Variants in AP3D1 observed in about 807,000 individuals in gnomAD.
AP3D1 encodes the protein AP-3 complex subunit delta-1.
AP3D1 carries 51 observed loss-of-function variants against 147.6 expected under a neutral mutation model. That is an observed-to-expected ratio of 0.35 (90% CI 0.28 to 0.44). AP3D1 has a LOEUF of 0.44. Ranked by LOEUF, AP3D1 falls within the 20% of genes least tolerant of loss-of-function variation. AP3D1 has a pLI of 1.00. For missense variants in AP3D1, 1,421 were observed against 1,624.2 expected, an observed-to-expected ratio of 0.87 and a Z score of 2.15; for synonymous variants, 760 against 663.0, an observed-to-expected ratio of 1.15 and a Z score of -2.25.
chr19:2,130,686 T>G, intron 5 of AP3D1, 149 bp from the exon 6 acceptor site: 1 of 1,274,344 alleles, frequency 7.8e-7, no homozygotes, highest in Non-Finnish European at 1.1e-6. Context: ...GACCAGCATC[T>G]TGGATGGCAT....
intron 3 of AP3D1, 109 bp from the exon 4 acceptor site, chr19:2,137,200 C>A (rs1373479036): frequency 1.0e-6 from 1 of 957,908 alleles, no homozygotes; most frequent in Non-Finnish European, 1.6e-6. Flanking sequence ...AGAAGCAACA[C>A]CCTGCAGCCT....
chr19:2,134,145 G>A lies in AP3D1; in HGVS notation c.355-1567C>T, dbSNP rs561364241. 2.6e-5 allele frequency among the ~76,000 whole-genome samples: 4 copies of A among 152,184 alleles called. No individual in the cohort carries two copies. The South Asian group carries it at 6.2e-4, about 24-fold the overall frequency. On this transcript the variant is annotated intron_variant, in intron 4 of 31. Transcript: ENST00000643116. ...AAATAACACAGTGAGCTGAAGTGGT[G>A]GCACACACTTCTAATCCTACCACTT...
At chr19:2,104,667 T>G (rs1440052976) in intron 31 of AP3D1, among the ~76,000 whole-genome samples, 4 of 104,156 alleles carry the variant, frequency 3.8e-5, no homozygotes, top group African/African-American at 2.1e-4. Context: ...CTGACACAAG[T>G]TTTTTTTTTT....
chr19:2,102,163 C>A lies in AP3D1; in HGVS notation c.*10G>T. The A allele has an allele frequency of 6.2e-7, 1 of 1,610,918 alleles. No homozygotes were observed. Among genetic ancestry groups the A allele is most frequent in the Non-Finnish European group, 8.5e-7 (1 of 1,177,774 alleles). ...GCTCCGCGGGGTGGTGCGGGGCTCG[C>A]AGGCAGCTCTCAACACTTGGCCAGC... On this transcript the variant is annotated 3_prime_UTR_variant, in exon 32 of 32. Transcript: ENST00000643116.
intron 4 of AP3D1, among the ~76,000 whole-genome samples, chr19:2,134,688 G>A (rs905608328): frequency 2.6e-5 from 4 of 151,016 alleles, no homozygotes; most frequent in East Asian, 2.0e-4. Context: ...CACAACCTCC[G>A]CCTCCTGGGT....
rs755030617 is a variant in AP3D1 at position 2,123,377 on chromosome 19, G to A, written c.936C>T (p.Ile312=). Residue 312 remains isoleucine, a synonymous_variant, in exon 11 of 32, where the codon ATC becomes ATT. Transcript: ENST00000643116. ...QLCVQKLRIL[I]EDSDQNLKYL... The stretch of plus-strand genomic sequence containing the variant: ...ACTCACAGTTCTGATCGGAGTCCTC[G>A]ATCAATATCCTTAATTTCTGAACAC... 6.2e-6 allele frequency: 10 copies of A among 1,613,850 alleles called. 1 individual carries two copies. In the East Asian group the frequency reaches 8.9e-5, roughly 14 times the overall value.
intron 9 of AP3D1, among the ~76,000 whole-genome samples, chr19:2,126,187 G>A (rs924283862): frequency 3.3e-5 from 5 of 152,166 alleles, no homozygotes; most frequent in Admixed American, 1.3e-4. Flanking sequence ...GAATAGCTGG[G>A]CCCTCCTACT....
chr19:2,115,330 C>T lies in AP3D1; in HGVS notation c.2238G>A (p.Arg746=), dbSNP rs780024043. The T allele has an allele frequency of 2.5e-6, 4 of 1,610,702 alleles. No homozygotes were observed. The highest frequency in any genetic ancestry group is 4.5e-5 in the East Asian group (2 of 44,896). Residue 746 remains arginine (R), a synonymous_variant, in exon 20 of 32, where the codon AGG becomes AGA. Coordinates refer to ENST00000643116, the MANE Select transcript of AP3D1 (RefSeq NM_001261826.3). ...GCTTGCCCTTCTTCTCCTTCTCCTT[C>T]CTCTTTTTCCTCCTCTTGTCCTTCT... ...KLEKDKRRKK[R]KEKEKKGKRR...
At chr19:2,158,995 T>C (rs79158840) in intron 1 of AP3D1, among the ~76,000 whole-genome samples, 13,316 of 138,004 alleles carry the variant, frequency 0.096, 757 homozygotes, top group South Asian at 0.16. Flanking sequence ...ACATTTTCTG[T>C]TATAATTTTT....
At chr19:2,106,293 A>G (rs1482605878) in intron 31 of AP3D1, among the ~76,000 whole-genome samples, 1 of 152,162 alleles carries the variant, frequency 6.6e-6, no homozygotes, top group Admixed American at 6.5e-5. Flanking sequence ...TCACTCCTGC[A>G]ATCCCAGCAC....
At chr19:2,141,925 A>T (rs2019230355) in intron 1 of AP3D1, among the ~76,000 whole-genome samples, 1 of 150,024 alleles carries the variant, frequency 6.7e-6, no homozygotes, top group South Asian at 2.1e-4. Flanking sequence ...AATTTTTAAA[A>T]TTATATATAT....
intron 1 of AP3D1, among the ~76,000 whole-genome samples, chr19:2,146,888 G>A (rs560591178): frequency 2.6e-3 from 397 of 152,328 alleles, no homozygotes; most frequent in Middle Eastern, 6.8e-3. Flanking sequence ...GGCATGACCA[G>A]AGGAGCCCCT....
intron 31 of AP3D1, 40 bp downstream of exon 31, chr19:2,108,647 G>A (rs758778127): frequency 6.5e-7 from 1 of 1,544,072 alleles, no homozygotes. Flanking sequence ...CCCAGGAGAG[G>A]TGGCAGGAGC....
At chr19:2,149,927 T>C (rs2019460721) in intron 1 of AP3D1, among the ~76,000 whole-genome samples, 1 of 152,214 alleles carries the variant, frequency 6.6e-6, no homozygotes, top group African/African-American at 2.4e-5. Flanking sequence ...AATCTGAACA[T>C]TACTCCAGTT....
intron 21 of AP3D1, 116 bp downstream of exon 21, chr19:2,114,632 A>ACCCCC: frequency 2.3e-6 from 1 of 432,940 alleles, no homozygotes; most frequent in Non-Finnish European, 4.5e-6. Context: ...GCCCGCCCGC[A>ACCCCC]CCCCACCCCA....
In AP3D1 at chr19:2,137,558, C is replaced by T. The variant is rs559948726; in HGVS notation, c.273+169G>A. On this transcript the variant is annotated intron_variant, in intron 3 of 31. Transcript: ENST00000643116. ...CTCCAACTCCCAACCTCAGGTGATCCGCCTGTCTCAGCCTCCCAAAGTGCT... is the reference window on the plus strand; with the variant it reads ...CTCCAACTCCCAACCTCAGGTGATCTGCCTGTCTCAGCCTCCCAAAGTGCT... Among the ~76,000 whole-genome samples, 25 of 152,210 alleles carry T rather than the reference C, an allele frequency of 1.6e-4. No individual in the cohort carries two copies. In the East Asian group the frequency reaches 4.1e-3, roughly 25 times the overall value.
At chr19:2,107,052 A>G (rs947974672) in intron 31 of AP3D1, among the ~76,000 whole-genome samples, 1 of 152,108 alleles carries the variant, frequency 6.6e-6, no homozygotes, top group Non-Finnish European at 1.5e-5. Context: ...TCATGAGGTC[A>G]GAAGATTGAG....
chr19:2,120,324 CA>C (rs1353771474), intron 14 of AP3D1, among the ~76,000 whole-genome samples: 2 of 152,138 alleles, frequency 1.3e-5, no homozygotes, highest in Admixed American at 1.3e-4. Flanking sequence ...CTGGAGACGG[CA>C]GGGGCAGTGT....
chr19:2,118,533 C>T (rs556189427), intron 15 of AP3D1, 68 bp downstream of exon 15: 1 of 1,455,652 alleles, frequency 6.9e-7, no homozygotes, highest in Non-Finnish European at 9.3e-7. Flanking sequence ...GTCGACCTGG[C>T]CGCCACTGGA....
Sources: allele counts gnomAD v4.1 joint callset (sites outside exome capture counted in the v4.1 genomes callset), GRCh38; gene constraint gnomAD v4.1.1; transcripts MANE v1.5; gene names NCBI Gene and HGNC (gene_info 2026-07-23, HGNC 2026-07-21).